COL19A1: variants seen among roughly 807,000 people sequenced by gnomAD.
COL19A1 encodes the protein collagen alpha-1(XIX) chain.
A neutral mutation model predicts 190.2 loss-of-function variants in COL19A1; 159 were observed. The ratio of observed to expected loss-of-function variants is 0.84; its 90% CI spans 0.73 to 0.95. The LOEUF (loss-of-function observed/expected upper bound fraction) is 0.95. Ranked by LOEUF, COL19A1 falls within the 40% of genes least tolerant of loss-of-function variation. The probability of loss-of-function intolerance (pLI) is 0.00; values close to 1 mark genes in which losing one functional copy is unlikely to be tolerated. For missense variants in COL19A1, 1,418 were observed against 1,431.9 expected (o/e 0.99, Z 0.16); for synonymous variants, 509 against 458.9 (o/e 1.11, Z -1.39).
intron 11 of COL19A1, among the ~76,000 whole-genome samples, chr6:70,019,978 A>G (rs980501148): frequency 6.6e-6 from 1 of 152,118 alleles, no homozygotes. Flanking sequence ...ATATCAATAC[A>G]TATTTCCTTC....
At chr6:70,116,723 A>T (rs1784602312) in intron 16 of COL19A1, among the ~76,000 whole-genome samples, 1 of 152,194 alleles carries the variant, frequency 6.6e-6, no homozygotes, top group African/African-American at 2.4e-5. Flanking sequence ...AACACTGGAA[A>T]TGTTTCTTGA....
chr6:70,000,982 T>C (rs1402444120), intron 11 of COL19A1, among the ~76,000 whole-genome samples: 1 of 152,204 alleles, frequency 6.6e-6, no homozygotes, highest in African/African-American at 2.4e-5. Flanking sequence ...GGTTTTCTTC[T>C]AGGGTTTTTA....
chr6:69,904,960 C>G (rs1770450088), intron 4 of COL19A1, among the ~76,000 whole-genome samples: 1 of 152,150 alleles, frequency 6.6e-6, no homozygotes, highest in South Asian at 2.1e-4. Flanking sequence ...CGTTCCTTCT[C>G]GGTGCTGCGT....
chr6:69,955,683 C>T (rs546852632), intron 9 of COL19A1, among the ~76,000 whole-genome samples: 3 of 151,764 alleles, frequency 2.0e-5, no homozygotes, highest in South Asian at 4.2e-4. Flanking sequence ...ATGACTGACC[C>T]GTGTGTGCCC....
In COL19A1 at chr6:70,163,382, G is replaced by A. The variant is rs147345076; in HGVS notation, c.2386G>A (p.Ala796Thr). The change falls in exon 36 of 51, where the codon GCA becomes ACA. Residue 796 changes from alanine (A) to threonine (T), a missense_variant. Transcript: ENST00000620364. ...AACTGGACATCCTGGTCCCACAGGA[G>A]CAAAAGGTGAAAAGGTACAAAGGAA... The part of the protein sequence containing the change: ...GRTGHPGPTG[A>T]KGEKGSDGPP... 1,102 of 1,612,006 alleles carry A rather than the reference G, an allele frequency of 6.8e-4. 15 individuals carry two copies. The South Asian group carries it at 9.0e-3, about 13-fold the overall frequency.
intron 24 of COL19A1, 90 bp downstream of exon 24, chr6:70,144,353 C>A: frequency 1.8e-6 from 2 of 1,140,134 alleles, no homozygotes; most frequent in East Asian, 2.4e-5. Flanking sequence ...CAGCCCAGGG[C>A]TTCTGGGATT....
At chr6:70,142,864 T>A (rs201778152) in intron 23 of COL19A1, 44 bp downstream of exon 23, 2 of 1,542,210 alleles carry the variant, frequency 1.3e-6, no homozygotes. Flanking sequence ...AAATTGAGAC[T>A]AGGACATGTT....
chr6:69,966,826 C>T (rs961744183), intron 11 of COL19A1, among the ~76,000 whole-genome samples: 33 of 151,240 alleles, frequency 2.2e-4, no homozygotes, highest in African/African-American at 8.0e-4. Context: ...GATTCATTCA[C>T]GTGCTCTTCA....
In COL19A1 at chr6:70,142,071, C is replaced by A; in HGVS notation, c.1567C>A (p.Leu523Ile). 1 of 1,611,534 alleles carries A rather than the reference C, an allele frequency of 6.2e-7. No individual in the cohort carries two copies. Among genetic ancestry groups the A allele is most frequent in the Non-Finnish European group, 8.5e-7 (1 of 1,178,488 alleles). Residue 523 changes from leucine to isoleucine, a missense_variant, in exon 22 of 51, where the codon CTA (leucine) becomes ATA (isoleucine). By Grantham distance (5) the Leu-to-Ile change is conservative. Transcript: ENST00000620364. ...GPPGLIGSPG[L>I]KGQQGSAGSM... The stretch of plus-strand genomic sequence containing the variant: ...CCCTGGTTTAATAGGAAGCCCAGGA[C>A]TAAAGGTATATAAGAAATAACTAAG...
At chr6:70,018,598 T>C (rs1778247752) in intron 11 of COL19A1, among the ~76,000 whole-genome samples, 1 of 152,138 alleles carries the variant, frequency 6.6e-6, no homozygotes, top group South Asian at 2.1e-4. Flanking sequence ...TTCACTTGCA[T>C]TCCCCTGAAA....
rs1024725568 is a variant in COL19A1, at chr6:70,208,685, C to T, written c.*1411C>T. The T allele has an allele frequency of 6.6e-6, 1 of 152,626 alleles. No homozygotes were observed. Among genetic ancestry groups the T allele is most frequent in the Non-Finnish European group, 1.5e-5 (1 of 68,048 alleles). The allele number at this position is 152,626 out of a possible 1,614,324, so 9.5% of individuals were successfully genotyped here. A position where few individuals can be genotyped will look rare whatever the true frequency, so the allele number is the denominator to read the frequency against. The stretch of plus-strand genomic sequence containing the variant: ...CAGCCACAGCAATCAGGACTCACAG[C>T]TCTTCAAGGAGCAGTGCAGATTTCA... On this transcript the variant is annotated 3_prime_UTR_variant, in exon 51 of 51. Coordinates refer to ENST00000620364, the MANE Select transcript of COL19A1 (RefSeq NM_001858.6).
intron 16 of COL19A1, among the ~76,000 whole-genome samples, chr6:70,120,904 A>T (rs1171680783): frequency 6.6e-6 from 1 of 152,156 alleles, no homozygotes; most frequent in Non-Finnish European, 1.5e-5. Flanking sequence ...GCAGCTAACG[A>T]TTGCTTCTTA....
At chr6:69,930,179 G>T (rs564433783) in intron 6 of COL19A1, among the ~76,000 whole-genome samples, 1 of 152,002 alleles carries the variant, frequency 6.6e-6, no homozygotes, top group Non-Finnish European at 1.5e-5. Flanking sequence ...TGGTTTTTCA[G>T]GGTTCTATTG....
intron 16 of COL19A1, among the ~76,000 whole-genome samples, chr6:70,120,873 G>A (rs1338869173): frequency 1.3e-5 from 2 of 152,074 alleles, no homozygotes; most frequent in East Asian, 3.8e-4. Flanking sequence ...TATACCTAAG[G>A]TGTTACCTGC....
chr6:70,172,313 G>A (rs555570858), intron 41 of COL19A1, among the ~76,000 whole-genome samples: 6 of 152,276 alleles, frequency 3.9e-5, no homozygotes, highest in Non-Finnish European at 8.8e-5. Flanking sequence ...AAGACCTGAA[G>A]GAGGTGAGAG....
rs1006210697 is a variant in COL19A1, at chr6:69,925,261, T to A, written c.267-2648T>A. On this transcript the variant is annotated intron_variant, in intron 4 of 50. Transcript: ENST00000620364. ...TTAATCCATCTTGAATTAATTTTTG[T>A]ATAAGGTGTAAGGAAGGGATCCAGT... Among the ~76,000 whole-genome samples, 33 of 152,196 alleles carry A rather than the reference T, an allele frequency of 2.2e-4. 1 individual carries two copies. Among genetic ancestry groups the A allele is most frequent in the Non-Finnish European group, 1.0e-4 (7 of 68,036 alleles).
In COL19A1 at chr6:69,936,819, C is replaced by T. The variant is rs1773141823; in HGVS notation, c.782C>T (p.Ser261Leu). Residue 261 changes from serine (S) to leucine (L), a missense_variant, in exon 8 of 51, where the codon TCA becomes TTA. By Grantham distance (145) the Ser-to-Leu change is moderately radical. Coordinates refer to ENST00000620364, the MANE Select transcript of COL19A1 (RefSeq NM_001858.6). ...PEQDGFGNIA[S>L]SWVTAHASKM... ...CAGGATGGCTTTGGAAATATTGCATCATCATGGGTAACTGCTCATGCCAGT... is the reference window on the plus strand; with the variant it reads ...CAGGATGGCTTTGGAAATATTGCATTATCATGGGTAACTGCTCATGCCAGT... The T allele has an allele frequency of 6.2e-7, 1 of 1,613,126 alleles. No individual in the cohort carries two copies. Among genetic ancestry groups the T allele is most frequent in the Non-Finnish European group, 8.5e-7 (1 of 1,179,286 alleles).
intron 15 of COL19A1, among the ~76,000 whole-genome samples, chr6:70,084,953 C>G (rs1782493721): frequency 6.6e-6 from 1 of 152,100 alleles, no homozygotes; most frequent in African/African-American, 2.4e-5. Context: ...TACTACTTAG[C>G]CTCTCTGAGT....
Position 69,982,869 on chromosome 6 carries a change from G to A in COL19A1, c.1026+19999G>A, listed in dbSNP as rs931756699. Reference sequence around the variant, plus strand: ...CGCCTGTAGTCCCAGCTACTCAGGAGGCTGAGGCAGGAGAATGGCGTGAAC... The same window carrying A: ...CGCCTGTAGTCCCAGCTACTCAGGAAGCTGAGGCAGGAGAATGGCGTGAAC... On this transcript the variant is annotated intron_variant, in intron 11 of 50. Transcript: ENST00000620364. Among the ~76,000 whole-genome samples the A allele has an allele frequency of 4.4e-4, 67 of 151,244 alleles. 3 individuals are homozygous for A. The highest frequency in any genetic ancestry group is 2.0e-4 in the Admixed American group (3 of 15,196).
Sources: gnomAD v4.1 joint callset for allele counts (sites outside exome capture counted in the v4.1 genomes callset) on GRCh38, gnomAD v4.1.1 for gene constraint, MANE v1.5 for transcripts, NCBI Gene and HGNC (gene_info 2026-07-23, HGNC 2026-07-21) for gene names.